The following LRIG1 variants were observed in gnomAD, a reference collection of about 807,000 sequenced individuals.
LRIG1 encodes the protein leucine-rich repeats and immunoglobulin-like domains protein 1.
A neutral mutation model predicts 99.2 loss-of-function variants in LRIG1; 48 were observed. The observed-to-expected ratio is 0.48, with a 90% confidence interval of 0.38 to 0.62. The LOEUF (loss-of-function observed/expected upper bound fraction) is 0.62, where lower values mean the gene tolerates loss of function less well. Ranked by LOEUF, LRIG1 falls within the 20% of genes least tolerant of loss-of-function variation. The probability of loss-of-function intolerance (pLI) is 0.00; values close to 1 mark genes in which losing one functional copy is unlikely to be tolerated. For missense variants in LRIG1, 1,646 were observed against 1,434.4 expected (o/e 1.15, Z -2.38); for synonymous variants, 772 against 596.1 (o/e 1.29, Z -4.30).
In LRIG1 at chr3:66,402,509, C is replaced by G. The variant is rs537982443; in HGVS notation, c.1160+2689G>C. Among the ~76,000 whole-genome samples the G allele has an allele frequency of 5.9e-5, 9 of 152,322 alleles. No homozygotes were observed. The East Asian group carries it at 1.7e-3, about 29-fold the overall frequency. ...CCGTTTATGGCTCTGCTACTCACAT[C>G]TCCCTTTCTTGGAAAACATTTTAAT... On this transcript the variant is annotated intron_variant, in intron 9 of 18. Transcript: ENST00000273261.
At chr3:66,412,668 C>A (rs1368058005) in intron 6 of LRIG1, among the ~76,000 whole-genome samples, 1 of 152,242 alleles carries the variant, frequency 6.6e-6, no homozygotes, top group African/African-American at 2.4e-5. Flanking sequence ...CAGTGCACAG[C>A]TGAATGCTGG....
In LRIG1 at chr3:66,382,410, CAGAACAAAT is replaced by C. The variant is rs1423318971; in HGVS notation, c.2492-21_2492-13del. ...CACGACGGTTTCATCTGCAAGGAGA[CAGAACAAAT>C]AGAACACCAGGGTCTCAGTGACAAG... On this transcript the variant is annotated splice_polypyrimidine_tract_variant and intron_variant, in intron 15 of 18. Coordinates refer to ENST00000273261, the MANE Select transcript of LRIG1 (RefSeq NM_015541.3). 4 of 1,614,058 alleles carry C rather than the reference CAGAACAAAT, an allele frequency of 2.5e-6. No individual in the cohort carries two copies. The highest frequency in any genetic ancestry group is 8.5e-7 in the Non-Finnish European group (1 of 1,180,020).
chr3:66,431,607 G>A (rs976919978), intron 3 of LRIG1, among the ~76,000 whole-genome samples: 1 of 152,158 alleles, frequency 6.6e-6, no homozygotes, highest in Non-Finnish European at 1.5e-5. Flanking sequence ...TCAGCAACTG[G>A]GGGAGGGGGT....
rs1174776168 is a variant in LRIG1, at chr3:66,481,519, G to GTACA, written c.218+18667_218+18670dup. On this transcript the variant is annotated intron_variant, in intron 1 of 18. Coordinates refer to ENST00000273261, the MANE Select transcript of LRIG1 (RefSeq NM_015541.3). ...AAGATGCACAGACCGGAGGGTTTAT[G>GTACA]TACACACACACACACACACACGTGT... Among the ~76,000 whole-genome samples the GTACA allele has an allele frequency of 2.5e-4, 37 of 145,900 alleles. No homozygotes were observed. In the East Asian group the frequency reaches 6.0e-3, roughly 24 times the overall value.
At chr3:66,455,647 A>T (rs909700765) in intron 2 of LRIG1, among the ~76,000 whole-genome samples, 1 of 152,224 alleles carries the variant, frequency 6.6e-6, no homozygotes, top group Non-Finnish European at 1.5e-5. Context: ...TAGTAGTCAA[A>T]GTTGGGCAGT....
intron 1 of LRIG1, among the ~76,000 whole-genome samples, chr3:66,499,890 T>G (rs9857143): frequency 1.9e-5 from 2 of 107,134 alleles, no homozygotes. Context: ...CACCCCCAGA[T>G]GGCCCGCACG....
At chr3:66,484,024 G>T (rs539227523) in intron 1 of LRIG1, among the ~76,000 whole-genome samples, 1 of 152,214 alleles carries the variant, frequency 6.6e-6, no homozygotes, top group Admixed American at 6.5e-5. Flanking sequence ...TTCTAAATGT[G>T]GCAGGTAAAC....
Position 66,386,116 on chromosome 3 carries a change from C to A in LRIG1, c.1654G>T (p.Asp552Tyr). The change falls in exon 13 of 19, where the codon GAC becomes TAC. Residue 552 changes from aspartate (D) to tyrosine (Y), a missense_variant. Asp to Tyr is a radical substitution (Grantham distance 160, BLOSUM62 -3). Transcript: ENST00000273261. Reference sequence around the variant, plus strand: ...GTGGTGTACTCCATCACTTCCCCGTCCTGCGCGTGGACGTGGACAAAGTTC... The same window carrying A: ...GTGGTGTACTCCATCACTTCCCCGTACTGCGCGTGGACGTGGACAAAGTTC... The part of the protein sequence containing the change: ...MENFVHVHAQ[D>Y]GEVMEYTTIL... 2 of 1,614,146 alleles carry A rather than the reference C, an allele frequency of 1.2e-6. No individual in the cohort carries two copies. The highest frequency in any genetic ancestry group is 2.7e-5 in the African/African-American group (2 of 75,020).
intron 1 of LRIG1, among the ~76,000 whole-genome samples, chr3:66,479,348 C>G (rs1700796765): frequency 6.6e-6 from 1 of 152,222 alleles, no homozygotes; most frequent in Non-Finnish European, 1.5e-5. Flanking sequence ...CCTAGAGCGT[C>G]TGTAGTCTGG....
Position 66,406,099 on chromosome 3 carries a change from G to A in LRIG1, c.1080-821C>T, listed in dbSNP as rs1304563160. Reference sequence around the variant, plus strand: ...GGCCAGGGAGAGAAAAGGAACTCTTGTCTCCTGTGAGAAGCTGCAGCAGGA... The same window carrying A: ...GGCCAGGGAGAGAAAAGGAACTCTTATCTCCTGTGAGAAGCTGCAGCAGGA... On this transcript the variant is annotated intron_variant, in intron 8 of 18. Coordinates refer to ENST00000273261, the MANE Select transcript of LRIG1 (RefSeq NM_015541.3). The A allele has an allele frequency of 3.0e-6, 3 of 985,622 alleles. No homozygotes were observed. The East Asian group carries it at 3.4e-4, about 112-fold the overall frequency. 61.1% of individuals were successfully genotyped at this position (985,622 alleles called of 1,614,324 possible).
intron 11 of LRIG1, 66 bp downstream of exon 11, chr3:66,398,046 G>T: frequency 7.8e-7 from 1 of 1,289,598 alleles, no homozygotes; most frequent in Non-Finnish European, 1.1e-6. Flanking sequence ...TAATGCAATT[G>T]CAGAAGTTTC....
rs138283904 is a variant in LRIG1, at chr3:66,402,301, C to T, written c.1160+2897G>A. The stretch of plus-strand genomic sequence containing the variant: ...CGGGAACCGCACAACCATTTGGAAA[C>T]AGGCCCTGGAGTGGGTCTACAGCAG... On this transcript the variant is annotated intron_variant, in intron 9 of 18. Coordinates refer to ENST00000273261, the MANE Select transcript of LRIG1 (RefSeq NM_015541.3). Among the ~76,000 whole-genome samples, 1,151 of 152,294 alleles carry T rather than the reference C, an allele frequency of 7.6e-3. 27 individuals are homozygous for T. The highest frequency in any genetic ancestry group is 0.027 in the African/African-American group (1,107 of 41,546).
At chr3:66,441,563 C>T (rs1267919184) in intron 3 of LRIG1, among the ~76,000 whole-genome samples, 1 of 152,208 alleles carries the variant, frequency 6.6e-6, no homozygotes, top group Non-Finnish European at 1.5e-5. Context: ...AGCAAGTTCA[C>T]CTCGGGTCAG....
intron 2 of LRIG1, among the ~76,000 whole-genome samples, chr3:66,457,474 C>G (rs1371303125): frequency 2.0e-5 from 3 of 152,150 alleles, no homozygotes; most frequent in African/African-American, 4.8e-5. Context: ...TTCAACCAGT[C>G]AGCCTGCAAA....
intron 5 of LRIG1, 66 bp downstream of exon 5, chr3:66,414,854 C>T: frequency 6.9e-7 from 1 of 1,450,798 alleles, no homozygotes. Flanking sequence ...GTACGAGGTC[C>T]TTGGGGAAAT....
At chr3:66,439,274 A>G (rs1703464210) in intron 3 of LRIG1, among the ~76,000 whole-genome samples, 1 of 152,212 alleles carries the variant, frequency 6.6e-6, no homozygotes, top group Admixed American at 6.5e-5. Context: ...GAACCCAACA[A>G]TTACGAGGCA....
At chr3:66,399,101 T>G in intron 9 of LRIG1, 60 bp from the exon 10 acceptor site, 1 of 1,353,580 alleles carries the variant, frequency 7.4e-7, no homozygotes, top group South Asian at 1.2e-5. Flanking sequence ...CAGGAAGGGT[T>G]GAGAGAAAGA....
At position 66,443,994 on chromosome 3, in the gene LRIG1, C is replaced by T. The variant is rs185890679; in HGVS notation, c.365+7565G>A. Among the ~76,000 whole-genome samples, 60 of 152,332 alleles carry T rather than the reference C, an allele frequency of 3.9e-4. 1 individual carries two copies. In the East Asian group the frequency reaches 9.1e-3, roughly 23 times the overall value. On this transcript the variant is annotated intron_variant, in intron 3 of 18. Transcript: ENST00000273261. ...GGAAAAAATGCCCACCTTTCAGACA[C>T]GCCTGTTAACTTCCATCTGGAAAAA...
chr3:66,473,819 A>T (rs3856599), intron 1 of LRIG1, among the ~76,000 whole-genome samples: 137,467 of 152,306 alleles, frequency 0.9, 62,712 homozygotes, highest in East Asian at 0.99. Flanking sequence ...ACTGACTTTA[A>T]TAGCTAGCTT....
Sources: allele counts gnomAD v4.1 joint callset (sites outside exome capture counted in the v4.1 genomes callset), GRCh38; gene constraint gnomAD v4.1.1; transcripts MANE v1.5; gene names NCBI Gene and HGNC (gene_info 2026-07-23, HGNC 2026-07-21).